Variants in FYB1 observed in about 807,000 individuals in gnomAD.
The protein encoded by FYB1 is FYN binding protein 1, also known as FYN-binding protein 1.
FYB1 carries 41 observed loss-of-function variants against 94.1 expected under a neutral mutation model. The observed-to-expected ratio is 0.44, with a 90% CI of 0.34 to 0.57. The LOEUF is 0.57. FYB1 is among the 20% of genes least tolerant of loss of function. FYB1 has a pLI of 0.02. For missense variants in FYB1, 1,050 were observed against 976.8 expected (o/e 1.07, Z -1.00); for synonymous variants, 367 against 353.2 (o/e 1.04, Z -0.44).
Position 39,118,161 on chromosome 5 carries a change from C to T in FYB1, c.2401+713G>A, listed in dbSNP as rs971508405. Among the ~76,000 whole-genome samples the T allele has an allele frequency of 3.9e-5, 6 of 152,108 alleles. No homozygotes were observed. In the East Asian group the frequency reaches 7.7e-4, roughly 20 times the overall value. On this transcript the variant is annotated intron_variant, in intron 16 of 18. Transcript: ENST00000512982. ...TCAAGCAATCATCCTGCCTCAGCCCCGCAAAGTGCTGGGATTACAGGCATG... is the reference window on the plus strand; with the variant it reads ...TCAAGCAATCATCCTGCCTCAGCCCTGCAAAGTGCTGGGATTACAGGCATG...
chr5:39,139,271 AAAATTT>A lies in FYB1; in HGVS notation c.1340-25_1340-20del. On this transcript the variant is annotated intron_variant, in intron 4 of 18. Coordinates refer to ENST00000512982, the MANE Select transcript of FYB1 (RefSeq NM_001465.6). ...CCAGCACCTAAAAGATTAAAAAAAT[AAAATTT>A]AATACATTTGTAATAAGGAAGCACT... 7.0e-7 allele frequency: 1 copy of A among 1,436,750 alleles called. No individual in the cohort carries two copies. The highest frequency in any genetic ancestry group is 9.4e-7 in the Non-Finnish European group (1 of 1,061,342). The allele number at this position is 1,436,750 out of a possible 1,614,324, so 89.0% of individuals were successfully genotyped here.
chr5:39,127,947 C>T lies in FYB1; in HGVS notation c.1841-140G>A, dbSNP rs796380003. On this transcript the variant is annotated intron_variant, in intron 10 of 18. Transcript: ENST00000512982. ...CATGTAAACCATTTAAATAAAAACA[C>T]TTTGTTGATTATTTTATAAAGAATT... 3.8e-6 allele frequency: 3 copies of T among 780,380 alleles called. No individual in the cohort carries two copies. The African/African-American group carries it at 5.4e-5, about 14-fold the overall frequency. 48.3% of individuals were successfully genotyped at this position (780,380 alleles called of 1,614,324 possible). A position where few individuals can be genotyped will look rare whatever the true frequency, so the allele number is the denominator to read the frequency against.
chr5:39,198,232 C>A, intron 2 of FYB1, among the ~76,000 whole-genome samples: 1 of 152,076 alleles, frequency 6.6e-6, no homozygotes, highest in South Asian at 2.1e-4. Flanking sequence ...AGAGGTAAAG[C>A]GAAGGTCACA....
chr5:39,107,378 G>A lies in FYB1; in HGVS notation c.*65C>T, dbSNP rs1003019054. ...TAATTTTCTTGATACCCAATAACAT[G>A]CCAATTAAAATCCAGACTTCACATT... On this transcript the variant is annotated 3_prime_UTR_variant, in exon 19 of 19. Transcript: ENST00000512982. 4.1e-5 allele frequency: 48 copies of A among 1,184,688 alleles called. No homozygotes were observed. Among genetic ancestry groups the A allele is most frequent in the Admixed American group, 5.3e-5 (2 of 37,976 alleles). 73.4% of individuals were successfully genotyped at this position (1,184,688 alleles called of 1,614,324 possible).
intron 2 of FYB1, among the ~76,000 whole-genome samples, chr5:39,180,756 G>T (rs886937443): frequency 2.6e-5 from 4 of 152,158 alleles, no homozygotes; most frequent in Admixed American, 2.0e-4. Context: ...AACTTGAGAG[G>T]AGGCCATCTA....
intron 4 of FYB1, 92 bp downstream of exon 4, chr5:39,141,003 A>T: frequency 1.2e-6 from 1 of 823,750 alleles, no homozygotes; most frequent in South Asian, 1.5e-5. Context: ...AGTGATGATA[A>T]TGACCCATTA....
At chr5:39,173,707 T>C (rs1424960897) in intron 2 of FYB1, among the ~76,000 whole-genome samples, 2 of 152,042 alleles carry the variant, frequency 1.3e-5, no homozygotes, top group African/African-American at 4.8e-5. Flanking sequence ...GAGTCCTTTC[T>C]CCATTGCTTA....
At chr5:39,132,634 T>C (rs1741301764) in intron 9 of FYB1, among the ~76,000 whole-genome samples, 1 of 152,200 alleles carries the variant, frequency 6.6e-6, no homozygotes, top group African/African-American at 2.4e-5. Flanking sequence ...AATGCTAGTT[T>C]TGGGAAATAT....
intron 1 of FYB1, among the ~76,000 whole-genome samples, chr5:39,247,406 C>T (rs1194356695): frequency 1.3e-5 from 2 of 151,968 alleles, no homozygotes; most frequent in East Asian, 1.9e-4. Flanking sequence ...ATCTTTAGTA[C>T]GTATGCACAA....
At chr5:39,130,766 A>G (rs894660664) in intron 9 of FYB1, among the ~76,000 whole-genome samples, 154 bp from the exon 10 acceptor site, 1 of 152,164 alleles carries the variant, frequency 6.6e-6, no homozygotes, top group Non-Finnish European at 1.5e-5. Context: ...AATGTTCCTT[A>G]TCATCATAGA....
At chr5:39,118,441 T>C (rs10061154) in intron 16 of FYB1, among the ~76,000 whole-genome samples, 13,503 of 152,212 alleles carry the variant, frequency 0.089, 1,983 homozygotes, top group African/African-American at 0.3. Context: ...CTGTCTACTT[T>C]AGCACAGTGG....
upstream of FYB1, among the ~76,000 whole-genome samples, chr5:39,221,474 A>G (rs1245940504): frequency 1.3e-5 from 2 of 152,254 alleles, no homozygotes; most frequent in African/African-American, 2.4e-5. Context: ...TAGACACTGT[A>G]TAACTAACCA....
At chr5:39,256,086 A>G (rs1751927961) in intron 1 of FYB1, among the ~76,000 whole-genome samples, 1 of 152,240 alleles carries the variant, frequency 6.6e-6, no homozygotes, top group Admixed American at 6.5e-5. Context: ...GGCAGTATTT[A>G]TAGCCATTCA....
chr5:39,117,011 A>T (rs1739635603), intron 16 of FYB1, among the ~76,000 whole-genome samples: 1 of 152,116 alleles, frequency 6.6e-6, no homozygotes, highest in Admixed American at 6.6e-5. Flanking sequence ...CAAGGGCAAG[A>T]TATGTAGAAG....
intron 13 of FYB1, 45 bp from the exon 14 acceptor site, chr5:39,122,447 G>A: frequency 3.6e-6 from 4 of 1,125,756 alleles, no homozygotes; most frequent in Non-Finnish European, 5.3e-6. Flanking sequence ...TGTTAGTTTA[G>A]ATTTTGATAT....
intron 16 of FYB1, among the ~76,000 whole-genome samples, chr5:39,114,731 A>T (rs1243819630): frequency 6.6e-6 from 1 of 152,200 alleles, no homozygotes; most frequent in Admixed American, 6.5e-5. Context: ...TTCTGTGAGT[A>T]TCTGTATGTC....
At chr5:39,196,350 C>G (rs182556239) in intron 2 of FYB1, among the ~76,000 whole-genome samples, 1 of 151,518 alleles carries the variant, frequency 6.6e-6, no homozygotes, top group South Asian at 2.1e-4. Context: ...CTGGGAGGTG[C>G]GCACCACTAT....
intron 1 of FYB1, among the ~76,000 whole-genome samples, chr5:39,236,077 C>G (rs1273532806): frequency 6.6e-6 from 1 of 151,772 alleles, no homozygotes; most frequent in African/African-American, 2.4e-5. Context: ...TTTTAGTTTT[C>G]TAAACCTCTC....
rs141773587 is a variant in FYB1 at position 39,195,603 on chromosome 5, G to A, written c.1135+6223C>T. 3.9e-5 allele frequency among the ~76,000 whole-genome samples: 6 copies of A among 152,316 alleles called. No individual in the cohort carries two copies. In the East Asian group the frequency reaches 1.2e-3, roughly 29 times the overall value. ...CCTCTGGGGCCCTCGCCTTACACCTGTTGCTGTCAAGGTGCTTAACTGATC... is the reference window on the plus strand; with the variant it reads ...CCTCTGGGGCCCTCGCCTTACACCTATTGCTGTCAAGGTGCTTAACTGATC... On this transcript the variant is annotated intron_variant, in intron 2 of 18. Transcript: ENST00000512982.
Sources: allele counts gnomAD v4.1 joint callset (sites outside exome capture counted in the v4.1 genomes callset), GRCh38; gene constraint gnomAD v4.1.1; transcripts MANE v1.5; gene names NCBI Gene and HGNC (gene_info 2026-07-23, HGNC 2026-07-21).